The following ERMP1 variants were observed in gnomAD, a reference collection of about 807,000 sequenced individuals.
ERMP1 encodes endoplasmic reticulum metallopeptidase 1.
Under a neutral mutation model 92.0 loss-of-function variants are expected in ERMP1, and 86 were observed. The observed-to-expected ratio is 0.93, with a 90% CI of 0.79 to 1.12. The LOEUF is 1.12. Ranked by LOEUF, ERMP1 falls within the 50% of genes most tolerant of loss-of-function variation. ERMP1 has a pLI of 0.00. For synonymous variants in ERMP1, 530 were observed against 412.8 expected (o/e 1.28, Z -3.44); for missense variants, 1,342 against 1,116.3 (o/e 1.20, Z -2.88).
chr9:5,823,108 G>T lies in ERMP1; in HGVS notation c.874+788C>A, dbSNP rs1366398957. 2.0e-5 allele frequency among the ~76,000 whole-genome samples: 3 copies of T among 151,906 alleles called. No homozygotes were observed. The East Asian group carries it at 5.8e-4, about 29-fold the overall frequency. ...GAGACCAGCCTGGGAAACATAATGG[G>T]AGCCTGTCTCTACAAAAAAATTTTT... On this transcript the variant is annotated intron_variant, in intron 4 of 14. Transcript: ENST00000339450.
chr9:5,864,961 GGA>G (rs1257118489), intron 5 of ERMP1, among the ~76,000 whole-genome samples: 1 of 152,044 alleles, frequency 6.6e-6, no homozygotes, highest in Non-Finnish European at 1.5e-5. Flanking sequence ...ATATTTCTTT[GGA>G]GAGTTGTTTC....
intron 6 of ERMP1, among the ~76,000 whole-genome samples, chr9:5,839,315 A>C (rs186057964): frequency 6.6e-6 from 1 of 152,254 alleles, no homozygotes; most frequent in East Asian, 1.9e-4. Flanking sequence ...TTGGATTTTG[A>C]ATTTACTTTT....
intron 6 of ERMP1, among the ~76,000 whole-genome samples, chr9:5,852,565 G>A (rs1830323136): frequency 2.0e-5 from 3 of 151,264 alleles, no homozygotes. Context: ...CATAGCAGCA[G>A]AATTTTTTAT....
chr9:5,799,814 C>A (rs1194061653), intron 11 of ERMP1, among the ~76,000 whole-genome samples: 2 of 152,128 alleles, frequency 1.3e-5, no homozygotes, highest in Admixed American at 1.3e-4. Flanking sequence ...AATAAAAATC[C>A]TGCTTTTCCT....
chr9:5,821,046 A>G (rs1258380815), intron 4 of ERMP1, among the ~76,000 whole-genome samples: 1 of 152,214 alleles, frequency 6.6e-6, no homozygotes, highest in Non-Finnish European at 1.5e-5. Context: ...GGAGGGAAAT[A>G]ATCTCTTCAA....
At chr9:5,836,954 C>G (rs1047694739), upstream of ERMP1, among the ~76,000 whole-genome samples, 7 of 152,110 alleles carry the variant, frequency 4.6e-5, no homozygotes, top group African/African-American at 1.7e-4. Flanking sequence ...CTGGGCTGGT[C>G]CCCTGTGTTT....
chr9:5,830,714 A>C lies in ERMP1; in HGVS notation c.640+13T>G, dbSNP rs746054790. ...TGTGACAAGTTCCAAATGACTAAAA[A>C]ACAGGTACATACCTGGTGAGTTTGC... On this transcript the variant is annotated intron_variant, in intron 2 of 14. Transcript: ENST00000339450. 1 of 1,586,548 alleles carries C rather than the reference A, an allele frequency of 6.3e-7. No individual in the cohort carries two copies. The highest frequency in any genetic ancestry group is 2.2e-5 in the East Asian group (1 of 44,468).
At chr9:5,831,054 AG>A (rs752681285) in intron 1 of ERMP1, 26 bp from the exon 2 acceptor site, 8 of 1,583,330 alleles carry the variant, frequency 5.1e-6, no homozygotes, top group Non-Finnish European at 6.9e-6. Context: ...AGAATAACAA[AG>A]GTTTGTAGTT....
intron 2 of ERMP1, among the ~76,000 whole-genome samples, chr9:5,830,394 C>A (rs1829893264): frequency 6.6e-6 from 1 of 152,176 alleles, no homozygotes; most frequent in Non-Finnish European, 1.5e-5. Context: ...AAAACACTTT[C>A]TAAGTGTCAG....
rs1004638912 is a variant in ERMP1, at chr9:5,784,667, T to A, written c.*2477A>T. 2 of 152,684 alleles carry A rather than the reference T, an allele frequency of 1.3e-5. No individual in the cohort carries two copies. The highest frequency in any genetic ancestry group is 2.9e-5 in the Non-Finnish European group (2 of 68,060). The allele number at this position is 152,684 out of a possible 1,614,324, so 9.5% of individuals were successfully genotyped here. On this transcript the variant is annotated 3_prime_UTR_variant, in exon 15 of 15. Transcript: ENST00000339450. ...ACAAGAAATTGACAAACACTCCTTC[T>A]ACAGCTTCCTGAGACAGCAGGCTGG...
intron 2 of ERMP1, among the ~76,000 whole-genome samples, chr9:5,827,996 G>A (rs922093605): frequency 6.6e-6 from 1 of 150,552 alleles, no homozygotes; most frequent in Non-Finnish European, 1.5e-5. Context: ...ATGAATAAGT[G>A]AATGAATGAA....
chr9:5,839,449 G>A lies in ERMP1; in HGVS notation n.3200-6137C>T, dbSNP rs570803055. 3.9e-5 allele frequency among the ~76,000 whole-genome samples: 6 copies of A among 152,310 alleles called. No homozygotes were observed. In the South Asian group the frequency reaches 1.2e-3, roughly 32 times the overall value. ...TTGACTTTCTCCACTGGGCTGCAGT[G>A]GCAGGTGAGTTAGGACACAGGAGGT... On this transcript the variant is annotated intron_variant and non_coding_transcript_variant, in intron 6 of 6. Coordinates refer to the ERMP1 transcript ENST00000690753.
rs1352762953 is a variant in ERMP1 at position 5,810,085 on chromosome 9, C to T, written c.1474G>A (p.Val492Ile). Residue 492 changes from valine to isoleucine, a missense_variant, in exon 8 of 15, where the codon GTT becomes ATT. Transcript: ENST00000339450. ...LSWYNHFYVS[V>I]CLYGTATVAK... ...ACAGTTGCAGTTCCATACAGACAAA[C>T]GGAGACATAGAAGTGGTTATACCAT... 13 of 1,613,768 alleles carry T rather than the reference C, an allele frequency of 8.1e-6. No homozygotes were observed. Among genetic ancestry groups the T allele is most frequent in the East Asian group, 2.2e-5 (1 of 44,882 alleles).
At chr9:5,833,175 C>A (rs1830029896), upstream of ERMP1, 2 of 713,080 alleles carry the variant, frequency 2.8e-6, no homozygotes, top group East Asian at 6.8e-5. Context: ...CGTCCCGCCG[C>A]GCCAAGACCC....
intron 8 of ERMP1, among the ~76,000 whole-genome samples, chr9:5,806,578 A>T (rs893155310): frequency 6.6e-6 from 1 of 151,644 alleles, no homozygotes; most frequent in African/African-American, 2.4e-5. Context: ...ATAGGCACAC[A>T]CCACTACACC....
rs1474312779 is a variant in ERMP1 at position 5,864,894 on chromosome 9, C to T, written n.3055+2908G>A. ...TAAAATAAATGAACTAACACCTTTT[C>T]TGCAAGATAACAGGCTGCTTCAGAT... On this transcript the variant is annotated intron_variant and non_coding_transcript_variant, in intron 5 of 6. Transcript: ENST00000690753. 3.9e-5 allele frequency among the ~76,000 whole-genome samples: 6 copies of T among 152,242 alleles called. No individual in the cohort carries two copies. In the East Asian group the frequency reaches 1.2e-3, roughly 29 times the overall value.
chr9:5,821,141 A>C (rs1469246345), intron 4 of ERMP1, among the ~76,000 whole-genome samples: 1 of 152,266 alleles, frequency 6.6e-6, no homozygotes, highest in Non-Finnish European at 1.5e-5. Context: ...TTTTATGTTT[A>C]TACTAACCAG....
At chr9:5,787,615 G>T (rs761216125) in intron 13 of ERMP1, 22 bp from the exon 14 acceptor site, 32 of 1,595,180 alleles carry the variant, frequency 2.0e-5, no homozygotes, top group Non-Finnish European at 2.3e-5. Context: ...AAGGAAGAAA[G>T]AACAGTTAAT....
chr9:5,840,752 A>G (rs552252715), intron 6 of ERMP1, among the ~76,000 whole-genome samples: 1 of 152,332 alleles, frequency 6.6e-6, no homozygotes, highest in Admixed American at 6.5e-5. Context: ...GGTTGTCCTG[A>G]GGCCCTAGAT....
Sources: gnomAD v4.1 joint callset for allele counts (sites outside exome capture counted in the v4.1 genomes callset) on GRCh38, gnomAD v4.1.1 for gene constraint, MANE v1.5 for transcripts, NCBI Gene and HGNC (gene_info 2026-07-23, HGNC 2026-07-21) for gene names.